Variants in PDGFRA observed in about 807,000 individuals in gnomAD.
The protein encoded by PDGFRA is platelet derived growth factor receptor alpha, also known as platelet-derived growth factor receptor alpha.
A neutral mutation model predicts 121.5 loss-of-function variants in PDGFRA; 25 were observed. The ratio of observed to expected loss-of-function variants is 0.21; its 90% CI spans 0.15 to 0.29. PDGFRA has a LOEUF of 0.29. Ranked by LOEUF, PDGFRA falls within the 10% of genes least tolerant of loss-of-function variation. The probability of loss-of-function intolerance (pLI) is 1.00; values close to 1 mark genes in which losing one functional copy is unlikely to be tolerated. For missense variants in PDGFRA, 1,008 were observed against 1,345.1 expected (o/e 0.75, Z 3.92); for synonymous variants, 463 against 494.8 (o/e 0.94, Z 0.85).
intron 1 of PDGFRA, among the ~76,000 whole-genome samples, chr4:54,255,202 A>G (rs1025251742): frequency 6.6e-6 from 1 of 152,228 alleles, no homozygotes; most frequent in Non-Finnish European, 1.5e-5. Flanking sequence ...ATTCTTCAGA[A>G]ACACAGCATG....
chr4:54,264,205 A>T (rs898947946), intron 4 of PDGFRA: 30 of 521,894 alleles, frequency 5.7e-5, no homozygotes, highest in African/African-American at 5.2e-4. Flanking sequence ...TCTTACTTTC[A>T]TTCACATTCC....
chr4:54,273,855 C>T, intron 10 of PDGFRA, 125 bp downstream of exon 10: 1 of 759,802 alleles, frequency 1.3e-6, no homozygotes, highest in Non-Finnish European at 2.3e-6. Context: ...GTTATGAATG[C>T]TCTTAAAGTC....
intron 22 of PDGFRA, among the ~76,000 whole-genome samples, chr4:54,294,688 A>G (rs1167410610): frequency 6.6e-6 from 1 of 152,108 alleles, no homozygotes; most frequent in African/African-American, 2.4e-5. Context: ...CATTCCAGGC[A>G]AGTGGCAGGA....
At chr4:54,271,661 T>C (rs1723362740) in intron 8 of PDGFRA, among the ~76,000 whole-genome samples, 1 of 149,196 alleles carries the variant, frequency 6.7e-6, no homozygotes, top group South Asian at 2.2e-4. Flanking sequence ...CCTTCCTTCC[T>C]TCCTTGCTTC....
Position 54,295,732 on chromosome 4 carries a change from G to T in PDGFRA, c.*460G>T, listed in dbSNP as rs2110360019. 4.0e-6 allele frequency: 1 copy of T among 249,592 alleles called. No individual in the cohort carries two copies. Among genetic ancestry groups the T allele is most frequent in the East Asian group, 5.7e-5 (1 of 17,474 alleles). The allele number at this position is 249,592 out of a possible 1,614,324, so 15.5% of individuals were successfully genotyped here. A position where few individuals can be genotyped will look rare whatever the true frequency, so the allele number is the denominator to read the frequency against. On this transcript the variant is annotated 3_prime_UTR_variant, in exon 23 of 23. Transcript: ENST00000257290. ...TCCATGTACTTCCCTCTTGAAACCT[G>T]ATGTCAGCTGCTGTTGAACTTTTTA...
intron 12 of PDGFRA, chr4:54,276,851 G>A (rs75917131): frequency 0.017 from 2,777 of 167,160 alleles, 93 homozygotes; most frequent in African/African-American, 0.063. Context: ...TAATTGCTGT[G>A]CTCTCGGGCA....
chr4:54,248,602 C>T (rs1721840189), intron 1 of PDGFRA, among the ~76,000 whole-genome samples: 1 of 152,126 alleles, frequency 6.6e-6, no homozygotes, highest in Non-Finnish European at 1.5e-5. Context: ...AGACCTAAAA[C>T]CATAAAAACC....
At chr4:54,267,256 T>C in intron 5 of PDGFRA, 33 bp from the exon 6 acceptor site, 1 of 1,612,358 alleles carries the variant, frequency 6.2e-7, no homozygotes, top group Non-Finnish European at 8.5e-7. Context: ...AGCGAGCTTT[T>C]TAAAAGTCGG....
intron 1 of PDGFRA, among the ~76,000 whole-genome samples, chr4:54,250,080 T>A (rs1721964707): frequency 6.6e-6 from 1 of 152,184 alleles, no homozygotes; most frequent in African/African-American, 2.4e-5. Flanking sequence ...AAGATTTTCA[T>A]GTATTATTAC....
rs1246742901 is a variant in PDGFRA at position 54,263,661 on chromosome 4, C to T, written c.368-6C>T. 6.2e-7 allele frequency: 1 copy of T among 1,613,354 alleles called. No individual in the cohort carries two copies. The highest frequency in any genetic ancestry group is 1.1e-5 in the South Asian group (1 of 91,064). On this transcript the variant is annotated splice_polypyrimidine_tract_variant and splice_region_variant and intron_variant, in intron 3 of 22. Transcript: ENST00000257290. ...AATAGAGTCTTCATTCTTTTTTAAA[C>T]CACAGACCCAGATGTAGCCTTTGTA...
intron 7 of PDGFRA, among the ~76,000 whole-genome samples, 173 bp downstream of exon 7, chr4:54,267,914 A>G (rs1488704863): frequency 6.6e-6 from 1 of 152,208 alleles, no homozygotes; most frequent in Non-Finnish European, 1.5e-5. Context: ...AAGTGGTATT[A>G]GTATGCTGGT....
intron 1 of PDGFRA, among the ~76,000 whole-genome samples, chr4:54,233,721 G>A (rs1165550630): frequency 1.3e-5 from 2 of 152,210 alleles, no homozygotes; most frequent in Non-Finnish European, 2.9e-5. Flanking sequence ...ATTCAATGTG[G>A]GAGAAGCAGG....
intron 4 of PDGFRA, 116 bp downstream of exon 4, chr4:54,264,043 T>G (rs1403899035): frequency 1.4e-5 from 13 of 955,238 alleles, no homozygotes; most frequent in Admixed American, 2.3e-5. Flanking sequence ...AAATTCTGAT[T>G]TGGGGATTTA....
At position 54,230,944 on chromosome 4, in the gene PDGFRA, G is replaced by T. The variant is rs549863074; in HGVS notation, c.-13+1529G>T. On this transcript the variant is annotated intron_variant, in intron 1 of 22. Transcript: ENST00000257290. Reference sequence around the variant, plus strand: ...GCTGTTCTATTCCGGGAGGGTGTCGGCCAGGTCGGAGCGACGAGTGTGGCC... The same window carrying T: ...GCTGTTCTATTCCGGGAGGGTGTCGTCCAGGTCGGAGCGACGAGTGTGGCC... Among the ~76,000 whole-genome samples, 10 of 152,338 alleles carry T rather than the reference G, an allele frequency of 6.6e-5. No individual in the cohort carries two copies. In the South Asian group the frequency reaches 1.9e-3, roughly 28 times the overall value.
At chr4:54,285,815 G>T (rs1724327318) in intron 17 of PDGFRA, 26 bp from the exon 18 acceptor site, 4 of 1,613,346 alleles carry the variant, frequency 2.5e-6, no homozygotes, top group Non-Finnish European at 3.4e-6. Flanking sequence ...GCTTGATCCT[G>T]AGTCATTTCT....
intron 1 of PDGFRA, among the ~76,000 whole-genome samples, chr4:54,242,718 C>G (rs1721376207): frequency 6.6e-6 from 1 of 151,682 alleles, no homozygotes. Context: ...GTCTTTTTAC[C>G]CCCTTTAATG....
chr4:54,289,234 G>A, intron 21 of PDGFRA, 120 bp downstream of exon 21: 1 of 721,896 alleles, frequency 1.4e-6, no homozygotes. Flanking sequence ...GTGTGATCCA[G>A]TGGCTGGGCT....
rs2110265518 is a variant in PDGFRA at position 54,267,435 on chromosome 4, G to A, written c.906G>A (p.Met302Ile). Residue 302 changes from methionine to isoleucine, a missense_variant, in exon 6 of 23, where the codon ATG becomes ATA. Coordinates refer to ENST00000257290, the MANE Select transcript of PDGFRA (RefSeq NM_006206.6). ...ARQATREVKE[M>I]KKVTISVHEK... ...AGGCTACCAGGGAGGTCAAAGAAAT[G>A]AAGAAAGTCACTATTTCTGTCCATG... is the stretch of plus-strand genomic sequence containing the variant. 1 of 1,614,202 alleles carries A rather than the reference G, an allele frequency of 6.2e-7. No individual in the cohort carries two copies.
At chr4:54,279,447 A>G (rs1363597666) in intron 15 of PDGFRA, among the ~76,000 whole-genome samples, 3 of 152,096 alleles carry the variant, frequency 2.0e-5, no homozygotes, top group South Asian at 2.1e-4. Context: ...AGATCAAGTC[A>G]TTTTCCTTAC....
Sources: gnomAD v4.1 joint callset for allele counts (sites outside exome capture counted in the v4.1 genomes callset) on GRCh38, gnomAD v4.1.1 for gene constraint, MANE v1.5 for transcripts, NCBI Gene and HGNC (gene_info 2026-07-23, HGNC 2026-07-21) for gene names.